The following INPP5D variants were observed in gnomAD, a reference collection of about 807,000 sequenced individuals.
INPP5D encodes phosphatidylinositol 3,4,5-trisphosphate 5-phosphatase 1.
INPP5D carries 33 observed loss-of-function variants against 122.9 expected under a neutral mutation model. The observed-to-expected ratio is 0.27, with a 90% CI of 0.20 to 0.36. The LOEUF (loss-of-function observed/expected upper bound fraction) is 0.36, where lower values mean the gene tolerates loss of function less well. Ranked by LOEUF, INPP5D falls within the 10% of genes least tolerant of loss-of-function variation. The pLI, the probability that INPP5D is intolerant of heterozygous loss-of-function variation, is 1.00. For missense variants in INPP5D, 1,053 were observed against 1,412.7 expected (o/e 0.75, Z 4.08); for synonymous variants, 584 against 576.2 (o/e 1.01, Z -0.19).
intron 3 of INPP5D, 60 bp downstream of exon 3, chr2:233,122,317 T>C (rs915750440): frequency 6.5e-7 from 1 of 1,542,072 alleles, no homozygotes; most frequent in Non-Finnish European, 8.8e-7. Flanking sequence ...TGCACCCACC[T>C]TGAGTGCTTG....
rs866081540 is a variant in INPP5D, at chr2:233,130,557, C to T, written c.574C>T (p.Leu192Phe). The change falls in exon 5 of 27, where the codon CTC (leucine) becomes TTC (phenylalanine). Residue 192 changes from leucine to phenylalanine, a missense_variant. Around this residue, in one of 6 missense-constraint regions of INPP5D, gnomAD observed 196 missense variants for 175.6 expected, o/e 1.12. Transcript: ENST00000445964. ...KAIQDYLSTQLAQDSEFVKTG... is the reference protein window; with the variant it reads ...KAIQDYLSTQFAQDSEFVKTG... ...CATCCAAGATTATTTAAGCACTCAG[C>T]TCGCCCAGGACTCTGAATTTGTGAA... The T allele has an allele frequency of 1.1e-5, 18 of 1,613,892 alleles. 1 individual carries two copies. The highest frequency in any genetic ancestry group is 3.3e-4 in the Middle Eastern group (2 of 6,084).
At chr2:233,104,831 G>A (rs1452116005) in intron 2 of INPP5D, among the ~76,000 whole-genome samples, 2 of 152,108 alleles carry the variant, frequency 1.3e-5, no homozygotes, top group Admixed American at 1.3e-4. Context: ...CTAGGCCTTG[G>A]TACCAGTAAT....
intron 1 of INPP5D, among the ~76,000 whole-genome samples, chr2:233,068,559 C>A (rs1032121551): frequency 6.6e-6 from 1 of 152,118 alleles, no homozygotes; most frequent in Admixed American, 6.5e-5. Flanking sequence ...CGTGCCATTG[C>A]ACTCCAGCCT....
chr2:233,177,370 C>A lies in INPP5D; in HGVS notation c.2071+24C>A. On this transcript the variant is annotated intron_variant, in intron 18 of 26. Transcript: ENST00000445964. The surrounding 1 kb of genome is among the most constrained non-coding windows in gnomAD (Gnocchi z 4.2). ...TGGTGAGTTCAAACACTGGGGAAAGCAGAACAGGATCAGAGAATGGCACCA... is the reference window on the plus strand; with the variant it reads ...TGGTGAGTTCAAACACTGGGGAAAGAAGAACAGGATCAGAGAATGGCACCA... 2 of 1,613,494 alleles carry A rather than the reference C, an allele frequency of 1.2e-6. No homozygotes were observed. Among genetic ancestry groups the A allele is most frequent in the Non-Finnish European group, 1.7e-6 (2 of 1,179,616 alleles).
At position 233,193,850 on chromosome 2, in the gene INPP5D, A is replaced by G; in HGVS notation, c.2485A>G (p.Thr829Ala). ...CIALRLEATE[T>A]QLPIYTPLTH... ...TGCCCTTCGGTTAGAGGCCACAGAAACGCAGCTGCCCATCTACACGCCTCT... is the reference window on the plus strand; with the variant it reads ...TGCCCTTCGGTTAGAGGCCACAGAAGCGCAGCTGCCCATCTACACGCCTCT... The change falls in exon 23 of 27, where the codon ACG (threonine) becomes GCG (alanine). Residue 829 changes from threonine (T) to alanine (A), a missense_variant. By Grantham distance (58) the Thr-to-Ala change is moderately conservative. This residue lies in a region of INPP5D where 258 missense variants were observed against 439.1 expected (regional missense o/e 0.59). Coordinates refer to ENST00000445964, the MANE Select transcript of INPP5D (RefSeq NM_001017915.3). 5.0e-6 allele frequency: 8 copies of G among 1,613,630 alleles called. No individual in the cohort carries two copies. The highest frequency in any genetic ancestry group is 1.3e-5 in the African/African-American group (1 of 74,874).
At chr2:233,117,485 AC>A (rs1349916004) in intron 2 of INPP5D, among the ~76,000 whole-genome samples, 1 of 152,132 alleles carries the variant, frequency 6.6e-6, no homozygotes, top group Non-Finnish European at 1.5e-5. Context: ...GAGGGGATCT[AC>A]TGCCCTGCTC....
At chr2:233,107,922 G>A (rs771080599) in intron 2 of INPP5D, among the ~76,000 whole-genome samples, 6 of 152,140 alleles carry the variant, frequency 3.9e-5, no homozygotes, top group Non-Finnish European at 5.9e-5. Context: ...GATTCTGACC[G>A]AGACTGGCAT....
At chr2:233,103,123 G>A (rs1455792087) in intron 2 of INPP5D, among the ~76,000 whole-genome samples, 1 of 152,066 alleles carries the variant, frequency 6.6e-6, no homozygotes, top group Admixed American at 6.5e-5. Context: ...ATGCTGCTGC[G>A]TGCACAGCAA....
chr2:233,061,926 C>G (rs1375063972), intron 1 of INPP5D, among the ~76,000 whole-genome samples: 1 of 152,232 alleles, frequency 6.6e-6, no homozygotes, highest in Non-Finnish European at 1.5e-5. Flanking sequence ...GCACTGGAAA[C>G]CAAGCCAGGC....
At position 233,100,965 on chromosome 2, in the gene INPP5D, TC is replaced by T. The variant is rs1032595680; in HGVS notation, c.199-21138del. On this transcript the variant is annotated intron_variant, in intron 2 of 26. Transcript: ENST00000445964. The surrounding 1 kb of genome is among the most constrained non-coding windows in gnomAD (Gnocchi z 5.3). Reference sequence around the variant, plus strand: ...TTCAGTGTTCCTCACTGAACGGTAATCCCCTCCGTGTGCCCCCAACGAGTCA... The same window carrying T: ...TTCAGTGTTCCTCACTGAACGGTAATCCCTCCGTGTGCCCCCAACGAGTCA... Among the ~76,000 whole-genome samples the T allele has an allele frequency of 1.5e-5, 2 of 132,254 alleles. No homozygotes were observed. Among genetic ancestry groups the T allele is most frequent in the African/African-American group, 6.4e-5 (2 of 31,302 alleles). The allele number at this position is 132,254 out of a possible 152,430, so 86.8% of individuals were successfully genotyped here.
Position 233,170,116 on chromosome 2 carries a change from C to G in INPP5D, c.1743C>G (p.His581Gln). Residue 581 changes from histidine to glutamine, a missense_variant, in exon 15 of 27, where the codon CAC (histidine) becomes CAG (glutamine). Coordinates refer to ENST00000445964, the MANE Select transcript of INPP5D (RefSeq NM_001017915.3). This position sits in a 1 kb window ranked among gnomAD's most constrained non-coding sequence, Gnocchi z 4.5. ...SPFNITHRFT[H>Q]LFWFGDLNYR... ...TTAACATCACTCACCGCTTCACGCA[C>G]CTCTTCTGGTTTGGGGATCTTAACT... The G allele has an allele frequency of 1.2e-6, 2 of 1,614,048 alleles. No homozygotes were observed. Among genetic ancestry groups the G allele is most frequent in the Non-Finnish European group, 1.7e-6 (2 of 1,179,904 alleles).
intron 2 of INPP5D, among the ~76,000 whole-genome samples, chr2:233,083,274 G>T (rs1273953479): frequency 6.6e-6 from 1 of 152,228 alleles, no homozygotes; most frequent in Non-Finnish European, 1.5e-5. Context: ...TCTAGGCAGT[G>T]CTGGGAGTGG....
chr2:233,151,588 C>T (rs1224901042), intron 9 of INPP5D, among the ~76,000 whole-genome samples: 4 of 152,196 alleles, frequency 2.6e-5, no homozygotes, highest in African/African-American at 9.6e-5. Context: ...AGCTCGGGCC[C>T]TGGGGCTCAG....
In INPP5D at chr2:233,082,078, C is replaced by A. The variant is rs1237134386; in HGVS notation, c.198+2680C>A. On this transcript the variant is annotated intron_variant, in intron 2 of 26. Coordinates refer to ENST00000445964, the MANE Select transcript of INPP5D (RefSeq NM_001017915.3). This position sits in a 1 kb window ranked among gnomAD's most constrained non-coding sequence, Gnocchi z 4.7. ...GAAGATGGGCGGCTCTGCTGGACTT[C>A]TCTGCTCCTGACCCCGGCACTAGAT... is the stretch of plus-strand genomic sequence containing the variant. 6.6e-6 allele frequency among the ~76,000 whole-genome samples: 1 copy of A among 152,168 alleles called. No individual in the cohort carries two copies. The highest frequency in any genetic ancestry group is 1.5e-5 in the Non-Finnish European group (1 of 68,024).
At chr2:233,133,337 C>G (rs1019493202) in intron 5 of INPP5D, among the ~76,000 whole-genome samples, 3 of 152,068 alleles carry the variant, frequency 2.0e-5, no homozygotes, top group South Asian at 2.1e-4. Context: ...AAGGAGGTGA[C>G]AGAACTGGGG....
intron 24 of INPP5D, 25 bp downstream of exon 24, chr2:233,195,520 T>TG (rs371979531): frequency 2.7e-4 from 394 of 1,483,756 alleles, no homozygotes; most frequent in South Asian, 6.4e-4. Flanking sequence ...GGGTGGGTGT[T>TG]GGGGGGGGTG....
intron 6 of INPP5D, among the ~76,000 whole-genome samples, chr2:233,144,161 G>T (rs1025842061): frequency 6.6e-6 from 1 of 151,092 alleles, no homozygotes; most frequent in African/African-American, 2.4e-5. Context: ...GGTAGAGATG[G>T]TGATGGTGAT....
chr2:233,168,587 T>C (rs565127133), intron 13 of INPP5D, among the ~76,000 whole-genome samples: 1 of 152,398 alleles, frequency 6.6e-6, no homozygotes, highest in African/African-American at 2.4e-5. Context: ...TAACGTGTTC[T>C]TTACGAACAC....
At position 233,125,811 on chromosome 2, in the gene INPP5D, A is replaced by G; in HGVS notation, c.416A>G (p.Glu139Gly). ...RNIPLTASSCEAKEVPFSNEN... is the reference protein window; with the variant it reads ...RNIPLTASSCGAKEVPFSNEN... ...ATCCCGCTGACTGCCAGCTCCTGTG[A>G]GGCCAAGGAGGTTCCTTTTTCAAAC... Residue 139 changes from glutamate (E) to glycine (G), a missense_variant, in exon 4 of 27, where the codon GAG (glutamate) becomes GGG (glycine). By Grantham distance (98) the Glu-to-Gly change is moderately conservative. This residue lies in a region of INPP5D where 196 missense variants were observed against 175.6 expected (regional missense o/e 1.12). Coordinates refer to ENST00000445964, the MANE Select transcript of INPP5D (RefSeq NM_001017915.3). 1 of 1,613,860 alleles carries G rather than the reference A, an allele frequency of 6.2e-7. No individual in the cohort carries two copies.
Sources: allele counts gnomAD v4.1 joint callset (sites outside exome capture counted in the v4.1 genomes callset), GRCh38; gene constraint gnomAD v4.1.1; regional missense constraint gnomAD v4.1.1; non-coding constraint Gnocchi (gnomAD v3.1); transcripts MANE v1.5; gene names NCBI Gene and HGNC (gene_info 2026-07-23, HGNC 2026-07-21).